Variants in MXI1 observed in about 807,000 individuals in gnomAD.
MXI1 encodes max-interacting protein 1.
In MXI1, 18 loss-of-function variants were observed where a neutral mutation model predicts 36.9. The ratio of observed to expected loss-of-function variants is 0.49; its 90% CI spans 0.34 to 0.72. MXI1 has a LOEUF of 0.72. Ranked by LOEUF, MXI1 falls within the 30% of genes least tolerant of loss-of-function variation. The probability of loss-of-function intolerance (pLI) is 0.01; values close to 1 mark genes in which losing one functional copy is unlikely to be tolerated. For missense variants in MXI1, 304 were observed against 379.1 expected, an observed-to-expected ratio of 0.80 and a Z score of 1.64; for synonymous variants, 160 against 146.7, an observed-to-expected ratio of 1.09 and a Z score of -0.65.
chr10:110,263,656 C>G (rs1264122692), intron 3 of MXI1, among the ~76,000 whole-genome samples: 6 of 152,176 alleles, frequency 3.9e-5, no homozygotes, highest in Non-Finnish European at 8.8e-5. Flanking sequence ...TTACCCTGTT[C>G]TGTCTAAATA....
At chr10:110,234,148 T>C (rs1855374301) in intron 2 of MXI1, among the ~76,000 whole-genome samples, 1 of 152,210 alleles carries the variant, frequency 6.6e-6, no homozygotes, top group Non-Finnish European at 1.5e-5. Flanking sequence ...ATATGCATCA[T>C]TGTTATAATC....
chr10:110,210,066 C>A (rs1854472641), intron 1 of MXI1, among the ~76,000 whole-genome samples: 2 of 137,268 alleles, frequency 1.5e-5, no homozygotes, highest in African/African-American at 5.3e-5. Flanking sequence ...CCGCCCTGGC[C>A]GCCGCCACCT....
rs568124137 is a variant in MXI1, at chr10:110,284,994, G to A, written c.*7G>A. On this transcript the variant is annotated 3_prime_UTR_variant, in exon 6 of 6. Coordinates refer to ENST00000332674, the MANE Select transcript of MXI1 (RefSeq NM_130439.3). ...ACTTTCATTCACTTCATAGAACCCA[G>A]CATGACATAACAGTGCAGGGCAAAA... 2 of 1,608,912 alleles carry A rather than the reference G, an allele frequency of 1.2e-6. No homozygotes were observed. The highest frequency in any genetic ancestry group is 2.2e-5 in the South Asian group (2 of 89,942).
chr10:110,228,247 T>C lies in MXI1; in HGVS notation c.333T>C (p.His111=). 3.7e-6 allele frequency: 6 copies of C among 1,614,130 alleles called. No individual in the cohort carries two copies. The highest frequency in any genetic ancestry group is 2.7e-5 in the African/African-American group (2 of 75,044). The part of the protein sequence containing the change: ...FPSMPSPRLQ[H]SKPPRRLSRA... ...CCATGCCGAGCCCCCGACTGCAGCA[T>C]TCAAAGCCCCCACGGAGGTTGAGCC... Residue 111 remains histidine (H), a synonymous_variant, in exon 2 of 6, where the codon CAT becomes CAC. Coordinates refer to ENST00000332674, the MANE Select transcript of MXI1 (RefSeq NM_130439.3).
At chr10:110,248,652 A>G (rs956963590) in intron 3 of MXI1, among the ~76,000 whole-genome samples, 1 of 152,132 alleles carries the variant, frequency 6.6e-6, no homozygotes, top group African/African-American at 2.4e-5. Context: ...TTTCCTCATC[A>G]TCTTCTAATA....
chr10:110,261,083 G>A (rs1856494216), intron 3 of MXI1: 1 of 984,974 alleles, frequency 1.0e-6, no homozygotes, highest in Non-Finnish European at 1.2e-6. Flanking sequence ...ACAAAACAAG[G>A]AGCACAGCTT....
intron 2 of MXI1, among the ~76,000 whole-genome samples, 179 bp downstream of exon 2, chr10:110,228,500 A>G (rs979354978): frequency 3.9e-5 from 6 of 152,232 alleles, no homozygotes; most frequent in Admixed American, 2.6e-4. Context: ...AAGGAAAGGA[A>G]TATAATCTGG....
intron 3 of MXI1, among the ~76,000 whole-genome samples, chr10:110,268,654 T>A (rs1359752806): frequency 2.0e-5 from 3 of 152,106 alleles, no homozygotes; most frequent in African/African-American, 7.2e-5. Context: ...TTCTGCCTTA[T>A]CAGAGGAGGG....
At chr10:110,255,040 A>G (rs1447854310) in intron 3 of MXI1, among the ~76,000 whole-genome samples, 1 of 152,222 alleles carries the variant, frequency 6.6e-6, no homozygotes, top group Non-Finnish European at 1.5e-5. Flanking sequence ...TAGCTAGAGC[A>G]GAAGTCATAG....
intron 3 of MXI1, chr10:110,257,736 TG>T: frequency 4.5e-6 from 1 of 224,094 alleles, no homozygotes; most frequent in Non-Finnish European, 9.4e-6. Flanking sequence ...GAAAGGTTTC[TG>T]GGTTCAGCTG....
chr10:110,245,542 G>C (rs1237695617), intron 3 of MXI1, among the ~76,000 whole-genome samples: 1 of 152,174 alleles, frequency 6.6e-6, no homozygotes, highest in African/African-American at 2.4e-5. Flanking sequence ...TGAGTGAGCA[G>C]TGTATACTGA....
chr10:110,242,825 TAAG>T, intron 2 of MXI1, among the ~76,000 whole-genome samples: 1 of 151,966 alleles, frequency 6.6e-6, no homozygotes, highest in Non-Finnish European at 1.5e-5. Flanking sequence ...CTGTTTAGAA[TAAG>T]TTTATGGCTG....
At chr10:110,214,960 G>A (rs922704632) in intron 1 of MXI1, among the ~76,000 whole-genome samples, 7 of 151,622 alleles carry the variant, frequency 4.6e-5, no homozygotes, top group African/African-American at 1.7e-4. Flanking sequence ...GCAGAAATGG[G>A]GGAGCTTTAT....
chr10:110,224,054 A>G (rs922990000), intron 1 of MXI1, among the ~76,000 whole-genome samples: 1 of 152,194 alleles, frequency 6.6e-6, no homozygotes, highest in African/African-American at 2.4e-5. Context: ...AACAAAAGGT[A>G]TGAGGGAAAG....
At chr10:110,220,089 C>T (rs960160308) in intron 1 of MXI1, among the ~76,000 whole-genome samples, 1 of 152,230 alleles carries the variant, frequency 6.6e-6, no homozygotes, top group South Asian at 2.1e-4. Flanking sequence ...TTTCGTTTGA[C>T]CTGACGCGAT....
intron 1 of MXI1, among the ~76,000 whole-genome samples, chr10:110,220,089 C>G (rs960160308): frequency 6.6e-6 from 1 of 152,230 alleles, no homozygotes; most frequent in African/African-American, 2.4e-5. Flanking sequence ...TTTCGTTTGA[C>G]CTGACGCGAT....
rs1857227692 is a variant in MXI1 at position 110,281,001 on chromosome 10, G to C, written c.724+916G>C. The stretch of plus-strand genomic sequence containing the variant: ...TTTGAAGTCTTACATTTGGAGAAAG[G>C]AGCTCATGAGCTCTTTAGGATTCTA... On this transcript the variant is annotated intron_variant, in intron 5 of 5. Coordinates refer to ENST00000332674, the MANE Select transcript of MXI1 (RefSeq NM_130439.3). Among the ~76,000 whole-genome samples the C allele has an allele frequency of 2.6e-5, 4 of 152,200 alleles. No homozygotes were observed. The South Asian group carries it at 8.3e-4, about 32-fold the overall frequency.
chr10:110,224,255 A>C (rs1854897785), intron 1 of MXI1, among the ~76,000 whole-genome samples: 1 of 152,188 alleles, frequency 6.6e-6, no homozygotes, highest in Non-Finnish European at 1.5e-5. Flanking sequence ...GAAAAAAGTT[A>C]TGGGTATGTT....
chr10:110,286,697 G>T lies in MXI1; in HGVS notation c.*1710G>T, dbSNP rs1212278768. The T allele has an allele frequency of 6.6e-6, 1 of 152,534 alleles. No homozygotes were observed. The highest frequency in any genetic ancestry group is 6.5e-5 in the Admixed American group (1 of 15,280). 9.4% of individuals were successfully genotyped at this position (152,534 alleles called of 1,614,324 possible). A position where few individuals can be genotyped will look rare whatever the true frequency, so the allele number is the denominator to read the frequency against. On this transcript the variant is annotated 3_prime_UTR_variant, in exon 6 of 6. Transcript: ENST00000332674. ...GAGTGACACTTTAACAGCATTCACT[G>T]CTTCTATATATAGTGTACCATCTTG...
Sources: allele counts gnomAD v4.1 joint callset (sites outside exome capture counted in the v4.1 genomes callset), GRCh38; gene constraint gnomAD v4.1.1; transcripts MANE v1.5; gene names NCBI Gene and HGNC (gene_info 2026-07-23, HGNC 2026-07-21).